STX12: variants seen among roughly 807,000 people sequenced by gnomAD.
The protein encoded by STX12 is syntaxin-12.
In STX12, 17 loss-of-function variants were observed where a neutral mutation model predicts 42.2. The ratio of observed to expected loss-of-function variants is 0.40; its 90% confidence interval spans 0.28 to 0.60. The LOEUF is 0.60. Among genes scored for constraint, STX12 ranks in the 20% least tolerant of loss-of-function variants. The probability of loss-of-function intolerance (pLI) is 0.39; values close to 1 mark genes in which losing one functional copy is unlikely to be tolerated. For synonymous variants in STX12, 108 were observed against 116.7 expected (o/e 0.93, Z 0.48); for missense variants, 297 against 330.9 (o/e 0.90, Z 0.79).
At chr1:27,795,392 G>A (rs375967243) in intron 3 of STX12, among the ~76,000 whole-genome samples, 17 of 151,536 alleles carry the variant, frequency 1.1e-4, no homozygotes, top group Admixed American at 7.2e-4. Flanking sequence ...TGCAACCTCC[G>A]CCTCCCAGGT....
intron 3 of STX12, among the ~76,000 whole-genome samples, chr1:27,794,628 G>GT (rs1181666106): frequency 6.6e-6 from 1 of 152,072 alleles, no homozygotes; most frequent in Non-Finnish European, 1.5e-5. Context: ...CAGGTCTCCA[G>GT]TAAAAAAAAC....
intron 2 of STX12, among the ~76,000 whole-genome samples, chr1:27,792,315 TA>T (rs1252088729): frequency 2.9e-5 from 4 of 135,994 alleles, no homozygotes; most frequent in African/African-American, 1.2e-4. Flanking sequence ...TATATATATG[TA>T]GATACATATA....
In STX12 at chr1:27,824,176, C is replaced by G. The variant is rs866453531; in HGVS notation, c.*1847C>G. 1 of 152,044 alleles carries G rather than the reference C, an allele frequency of 6.6e-6. No homozygotes were observed. The highest frequency in any genetic ancestry group is 1.5e-5 in the Non-Finnish European group (1 of 68,012). 9.4% of individuals were successfully genotyped at this position (152,044 alleles called of 1,614,324 possible). A position where few individuals can be genotyped will look rare whatever the true frequency, so the allele number is the denominator to read the frequency against. ...GAGATAATTCCTTGGTTCTATGATC[C>G]CTGTTTAACTCCAAATTACAGTCGG... is the stretch of plus-strand genomic sequence containing the variant. On this transcript the variant is annotated 3_prime_UTR_variant, in exon 9 of 9. Transcript: ENST00000373943.
At chr1:27,780,420 C>T (rs2088660694) in intron 1 of STX12, among the ~76,000 whole-genome samples, 1 of 151,874 alleles carries the variant, frequency 6.6e-6, no homozygotes, top group Non-Finnish European at 1.5e-5. Context: ...GTTGGCCAGG[C>T]TGGTCTTGAA....
intron 2 of STX12, among the ~76,000 whole-genome samples, chr1:27,792,995 G>A (rs949323214): frequency 6.6e-6 from 1 of 152,186 alleles, no homozygotes; most frequent in African/African-American, 2.4e-5. Flanking sequence ...TAAAGAGCAG[G>A]TAGGAAGCCA....
At chr1:27,777,828 G>A (rs1370382083) in intron 1 of STX12, among the ~76,000 whole-genome samples, 5 of 152,140 alleles carry the variant, frequency 3.3e-5, no homozygotes, top group African/African-American at 4.8e-5. Flanking sequence ...CGGAGGTTGC[G>A]GTGAGCCGAG....
chr1:27,801,123 G>T (rs767209306), intron 3 of STX12, among the ~76,000 whole-genome samples: 2 of 152,154 alleles, frequency 1.3e-5, no homozygotes, highest in Non-Finnish European at 2.9e-5. Context: ...TACAGGCTGG[G>T]CACAGTGACT....
At chr1:27,809,974 A>G (rs1420530015) in intron 4 of STX12, 1 of 278,462 alleles carries the variant, frequency 3.6e-6, no homozygotes, top group Non-Finnish European at 6.7e-6. Flanking sequence ...TATTGTTGTT[A>G]TTTTTATTTT....
At position 27,823,422 on chromosome 1, in the gene STX12, A is replaced by G. The variant is rs907661519; in HGVS notation, c.*1093A>G. 2 of 152,698 alleles carry G rather than the reference A, an allele frequency of 1.3e-5. No homozygotes were observed. The highest frequency in any genetic ancestry group is 2.9e-5 in the Non-Finnish European group (2 of 68,048). The allele number at this position is 152,698 out of a possible 1,614,324, so 9.5% of individuals were successfully genotyped here. A position where few individuals can be genotyped will look rare whatever the true frequency, so the allele number is the denominator to read the frequency against. ...TTATAAACAAGAGATTAATATCTCC[A>G]TGCATAGTTTTAGACAAAAAAAGAT... On this transcript the variant is annotated 3_prime_UTR_variant, in exon 9 of 9. Transcript: ENST00000373943.
chr1:27,805,268 ATGTT>A (rs887998901), intron 4 of STX12, among the ~76,000 whole-genome samples: 4 of 152,134 alleles, frequency 2.6e-5, no homozygotes, highest in Non-Finnish European at 2.9e-5. Context: ...AAAATTTTAG[ATGTT>A]TGTTTATTCA....
chr1:27,786,545 C>A (rs961740093), intron 1 of STX12, among the ~76,000 whole-genome samples: 4 of 152,122 alleles, frequency 2.6e-5, no homozygotes, highest in Admixed American at 6.5e-5. Flanking sequence ...CTCTTTATAC[C>A]ATTTTTCACT....
intron 5 of STX12, among the ~76,000 whole-genome samples, chr1:27,811,679 T>C (rs746431224): frequency 6.6e-6 from 1 of 151,896 alleles, no homozygotes; most frequent in Admixed American, 6.6e-5. Context: ...CAAGGAAATT[T>C]TGGAAAACTA....
chr1:27,776,449 C>T (rs1017596558), intron 1 of STX12, among the ~76,000 whole-genome samples: 1 of 152,116 alleles, frequency 6.6e-6, no homozygotes, highest in African/African-American at 2.4e-5. Flanking sequence ...CTCAGTGGCT[C>T]ACACCTGTAA....
intron 6 of STX12, among the ~76,000 whole-genome samples, chr1:27,813,228 T>C (rs1571531956): frequency 6.6e-6 from 1 of 150,820 alleles, no homozygotes; most frequent in Non-Finnish European, 1.5e-5. Flanking sequence ...CAGGCAGGAG[T>C]GCAATGACAC....
chr1:27,817,504 C>T (rs912454512), intron 6 of STX12, among the ~76,000 whole-genome samples: 2 of 152,200 alleles, frequency 1.3e-5, no homozygotes, highest in African/African-American at 2.4e-5. Flanking sequence ...TCGGGAGGCA[C>T]TCAACAGGCT....
Position 27,812,205 on chromosome 1 carries a change from G to A in STX12, c.513G>A (p.Val171=), listed in dbSNP as rs373587722. ...AGATGCAGAGCCAGGAGGATGAGGT[G>A]GCCATCACTGAGCAGGATTTGGAAC... ...WNQMQSQEDE[V]AITEQDLELI... is the part of the protein sequence containing the mutation. Residue 171 remains valine, a synonymous_variant, in exon 6 of 9, where the codon GTG becomes GTA. Coordinates refer to ENST00000373943, the MANE Select transcript of STX12 (RefSeq NM_177424.3). 7.3e-5 allele frequency: 114 copies of A among 1,561,470 alleles called. No homozygotes were observed. Among genetic ancestry groups the A allele is most frequent in the Non-Finnish European group, 9.3e-5 (107 of 1,152,084 alleles).
chr1:27,797,510 G>C (rs1003435906), intron 3 of STX12, among the ~76,000 whole-genome samples: 7 of 152,122 alleles, frequency 4.6e-5, no homozygotes, highest in Admixed American at 4.6e-4. Flanking sequence ...CCTCCTAAGA[G>C]TGGGCATGCC....
In STX12 at chr1:27,780,689, C is replaced by T. The variant is rs1400696930; in HGVS notation, c.118+7264C>T. On this transcript the variant is annotated intron_variant, in intron 1 of 8. Transcript: ENST00000373943. ...GTTTGAGGCTGGGCACAGTGGCTCACACCTGTAATCCCAGCACTTGGGGAG... is the reference window on the plus strand; with the variant it reads ...GTTTGAGGCTGGGCACAGTGGCTCATACCTGTAATCCCAGCACTTGGGGAG... Among the ~76,000 whole-genome samples the T allele has an allele frequency of 2.0e-5, 3 of 152,058 alleles. No homozygotes were observed. The East Asian group carries it at 5.8e-4, about 29-fold the overall frequency.
At chr1:27,820,194 C>T (rs1207019731) in intron 8 of STX12, 1 of 152,546 alleles carries the variant, frequency 6.6e-6, no homozygotes, top group African/African-American at 2.4e-5. Context: ...TGAAATCCTT[C>T]TACATGTTAG....
Sources: gnomAD v4.1 joint callset for allele counts (sites outside exome capture counted in the v4.1 genomes callset) on GRCh38, gnomAD v4.1.1 for gene constraint, MANE v1.5 for transcripts, NCBI Gene and HGNC (gene_info 2026-07-23, HGNC 2026-07-21) for gene names.